Variants in PACS2 observed in about 807,000 individuals in gnomAD.
The protein encoded by PACS2 is PACS1-like protein.
A neutral mutation model predicts 113.0 loss-of-function variants in PACS2; 36 were observed. That is an observed-to-expected ratio of 0.32 (90% CI 0.24 to 0.42). The LOEUF is 0.42. Among genes scored for constraint, PACS2 ranks in the 10% least tolerant of loss-of-function variants. PACS2 has a pLI of 1.00. For missense variants in PACS2, 1,015 were observed against 1,239.5 expected (o/e 0.82, Z 2.72); for synonymous variants, 589 against 536.1 (o/e 1.10, Z -1.36).
intron 24 of PACS2, among the ~76,000 whole-genome samples, chr14:105,394,054 AAAG>A (rs2081461340): frequency 6.7e-6 from 1 of 150,302 alleles, no homozygotes; most frequent in Non-Finnish European, 1.5e-5. Context: ...AAAAAAAAAA[AAAG>A]GGGTTTTGGA....
At chr14:105,382,664 C>T (rs768484731) in intron 14 of PACS2, 83 bp downstream of exon 14, 8 of 997,026 alleles carry the variant, frequency 8.0e-6, no homozygotes, top group Non-Finnish European at 1.1e-5. Context: ...CTACCCGGCA[C>T]ACCTGGGTGC....
chr14:105,316,370 C>G (rs1313951757), intron 1 of PACS2, among the ~76,000 whole-genome samples: 1 of 152,258 alleles, frequency 6.6e-6, no homozygotes, highest in African/African-American at 2.4e-5. Context: ...GGCTGCTTCT[C>G]CATTCCAGGT....
At chr14:105,303,790 T>C (rs2058099728) in intron 1 of PACS2, among the ~76,000 whole-genome samples, 1 of 152,234 alleles carries the variant, frequency 6.6e-6, no homozygotes, top group African/African-American at 2.4e-5. Context: ...TTTTCAAATA[T>C]GTATTATTGA....
intron 12 of PACS2, among the ~76,000 whole-genome samples, chr14:105,381,352 C>A (rs1304754163): frequency 2.0e-5 from 3 of 152,258 alleles, no homozygotes; most frequent in Non-Finnish European, 2.9e-5. Flanking sequence ...TGCCCTCCAG[C>A]AGGTGCCCCC....
At chr14:105,342,612 G>C (rs1555401827) in intron 1 of PACS2, among the ~76,000 whole-genome samples, 1 of 151,908 alleles carries the variant, frequency 6.6e-6, no homozygotes, top group Non-Finnish European at 1.5e-5. Flanking sequence ...TCTTGTGGCT[G>C]TCTTTAATAA....
chr14:105,394,245 C>T (rs932659591), intron 24 of PACS2: 8 of 985,148 alleles, frequency 8.1e-6, no homozygotes, highest in East Asian at 1.1e-4. Context: ...TGGATGTGGA[C>T]GAGCAGCGCC....
In PACS2 at chr14:105,384,056, C is replaced by T. The variant is rs1326440714; in HGVS notation, c.1781-297C>T. 2.0e-5 allele frequency: 8 copies of T among 407,674 alleles called. No individual in the cohort carries two copies. In the East Asian group the frequency reaches 3.0e-4, roughly 15 times the overall value. The allele number at this position is 407,674 out of a possible 1,614,324, so 25.3% of individuals were successfully genotyped here. ...TCCCGTGTGGCCCTCACGATGCCGA[C>T]GTCAGAGCCCTGAGCCAGCCGAGGC... On this transcript the variant is annotated intron_variant, in intron 16 of 24. Coordinates refer to ENST00000447393, the MANE Select transcript of PACS2 (RefSeq NM_001100913.3).
chr14:105,394,089 G>C (rs1037186321), intron 24 of PACS2: 12 of 343,228 alleles, frequency 3.5e-5, no homozygotes, highest in African/African-American at 2.7e-4. Flanking sequence ...GCAAGTAACT[G>C]TTTCAGAAAC....
chr14:105,306,669 G>A (rs1403667584), intron 1 of PACS2, among the ~76,000 whole-genome samples: 5 of 149,328 alleles, frequency 3.3e-5, no homozygotes, highest in South Asian at 2.1e-4. Context: ...GCAATGGCAC[G>A]ATCTTGATGT....
chr14:105,367,589 C>T (rs918901663), intron 5 of PACS2, among the ~76,000 whole-genome samples: 1 of 152,266 alleles, frequency 6.6e-6, no homozygotes, highest in Admixed American at 6.5e-5. Context: ...CCCGTGGCTG[C>T]AGCTCCTTGG....
intron 1 of PACS2, among the ~76,000 whole-genome samples, chr14:105,305,231 ACT>A (rs908394658): frequency 6.6e-6 from 1 of 151,980 alleles, no homozygotes; most frequent in African/African-American, 2.4e-5. Context: ...CAAAACCCTG[ACT>A]CTACAAAAAC....
intron 1 of PACS2, chr14:105,336,543 G>A (rs1168661044): frequency 1.3e-5 from 2 of 152,470 alleles, no homozygotes; most frequent in Non-Finnish European, 2.9e-5. Context: ...GTGCAGGAGC[G>A]AGTGAGGACA....
rs1181713473 is a variant in PACS2 at position 105,329,622 on chromosome 14, T to TG, written c.119+14590dup. Among the ~76,000 whole-genome samples the TG allele has an allele frequency of 6.6e-6, 1 of 152,110 alleles. No homozygotes were observed. Among genetic ancestry groups the TG allele is most frequent in the Non-Finnish European group, 1.5e-5 (1 of 68,020 alleles). ...CCAAGTGGCGGGCACCTTCTGGGCT[T>TG]GGGGGCGGGGCTTCTCACGATGGCT... On this transcript the variant is annotated intron_variant, in intron 1 of 24. Coordinates refer to ENST00000447393, the MANE Select transcript of PACS2 (RefSeq NM_001100913.3). The surrounding 1 kb of genome is among the most constrained non-coding windows in gnomAD (Gnocchi z 6.4).
At chr14:105,310,053 G>C (rs950947349), upstream of PACS2, among the ~76,000 whole-genome samples, 1 of 151,432 alleles carries the variant, frequency 6.6e-6, no homozygotes, top group African/African-American at 2.4e-5. Context: ...CAAAGTGCTG[G>C]GATTACAGGT....
upstream of PACS2, among the ~76,000 whole-genome samples, chr14:105,312,131 T>C (rs2058365900): frequency 6.6e-6 from 1 of 152,174 alleles, no homozygotes; most frequent in African/African-American, 2.4e-5. Flanking sequence ...AGGAGATGAA[T>C]GCGTTTCCAA....
rs986819456 is a variant in PACS2, at chr14:105,357,159, G to A, written c.423+1982G>A. Among the ~76,000 whole-genome samples the A allele has an allele frequency of 1.3e-5, 2 of 152,128 alleles. No homozygotes were observed. The highest frequency in any genetic ancestry group is 1.9e-4 in the East Asian group (1 of 5,178). On this transcript the variant is annotated intron_variant, in intron 4 of 24. Transcript: ENST00000447393. The surrounding 1 kb of genome is among the most constrained non-coding windows in gnomAD (Gnocchi z 5.1). The stretch of plus-strand genomic sequence containing the variant: ...CAGCACTGGTGCTTCTGTGTTTGAC[G>A]TCCTTGCCCTGAATGCTGGCCTCTG...
intron 2 of PACS2, among the ~76,000 whole-genome samples, chr14:105,350,100 C>T (rs2060111767): frequency 6.6e-6 from 1 of 151,534 alleles, no homozygotes; most frequent in African/African-American, 2.4e-5. Context: ...GTCTCTCCGC[C>T]TGTCCTGCCC....
chr14:105,383,048 A>C (rs1555412529), intron 15 of PACS2, 135 bp downstream of exon 15: 3 of 644,828 alleles, frequency 4.7e-6, no homozygotes, highest in Non-Finnish European at 8.3e-6. Flanking sequence ...AGGCTGACCC[A>C]TGCGCTCTTC....
At chr14:105,345,219 AAC>A (rs782375058) in intron 1 of PACS2, among the ~76,000 whole-genome samples, 2 of 152,148 alleles carry the variant, frequency 1.3e-5, no homozygotes, top group Non-Finnish European at 2.9e-5. Flanking sequence ...CATCCTGCCT[AAC>A]ACGGTGAAAC....
Sources: allele counts gnomAD v4.1 joint callset (sites outside exome capture counted in the v4.1 genomes callset), GRCh38; gene constraint gnomAD v4.1.1; non-coding constraint Gnocchi (gnomAD v3.1); transcripts MANE v1.5; gene names NCBI Gene and HGNC (gene_info 2026-07-23, HGNC 2026-07-21).